MTA3: variants seen among roughly 807,000 people sequenced by gnomAD.
MTA3 encodes metastasis associated 1 family member 3, also known as metastasis-associated protein MTA3.
In MTA3, 34 loss-of-function variants were observed where a neutral mutation model predicts 83.5. The ratio of observed to expected loss-of-function variants is 0.41; its 90% confidence interval spans 0.31 to 0.54. The LOEUF (loss-of-function observed/expected upper bound fraction) is 0.54. Among genes scored for constraint, MTA3 ranks in the 20% least tolerant of loss-of-function variants. MTA3 has a pLI of 0.33. For missense variants in MTA3, 761 were observed against 726.4 expected (o/e 1.05, Z -0.55); for synonymous variants, 303 against 252.7 (o/e 1.20, Z -1.89).
chr2:42,623,932 G>C (rs1184289519), intron 4 of MTA3, among the ~76,000 whole-genome samples: 1 of 151,994 alleles, frequency 6.6e-6, no homozygotes, highest in Non-Finnish European at 1.5e-5. Context: ...CCTTAGGTGT[G>C]ATCCACCGAC....
chr2:42,756,595 T>C lies in MTA3; in HGVS notation c.*3196T>C. ...GCCCCGTGGGTGTTTGGAGATTCTG[T>C]TTTACTCTGCCTAGAGAGGAAACGG... On this transcript the variant is annotated 3_prime_UTR_variant, in exon 17 of 17. Coordinates refer to ENST00000405094, the MANE Select transcript of MTA3 (RefSeq NM_001330442.2). The C allele has an allele frequency of 1.0e-6, 1 of 985,578 alleles. No homozygotes were observed. Among genetic ancestry groups the C allele is most frequent in the Non-Finnish European group, 1.2e-6 (1 of 830,050 alleles). 61.1% of individuals were successfully genotyped at this position (985,578 alleles called of 1,614,324 possible). A position where few individuals can be genotyped will look rare whatever the true frequency, so the allele number is the denominator to read the frequency against.
At chr2:42,638,359 C>G (rs367604566) in intron 4 of MTA3, among the ~76,000 whole-genome samples, 2 of 151,978 alleles carry the variant, frequency 1.3e-5, no homozygotes, top group African/African-American at 4.8e-5. Flanking sequence ...CAATTCTGTC[C>G]GTTATGAGAA....
intron 2 of MTA3, among the ~76,000 whole-genome samples, chr2:42,553,207 C>G (rs1046036342): frequency 1.3e-5 from 2 of 151,448 alleles, no homozygotes; most frequent in African/African-American, 2.4e-5. Flanking sequence ...GGGCAGATCA[C>G]GAGGTCAGGA....
At chr2:42,657,945 G>T (rs768213520) in intron 7 of MTA3, among the ~76,000 whole-genome samples, 2 of 151,590 alleles carry the variant, frequency 1.3e-5, no homozygotes, top group African/African-American at 4.8e-5. Context: ...GATGGTGGGT[G>T]CCTGTAATCC....
At chr2:42,633,743 A>C (rs920317353) in intron 4 of MTA3, among the ~76,000 whole-genome samples, 4 of 151,814 alleles carry the variant, frequency 2.6e-5, no homozygotes, top group Non-Finnish European at 4.4e-5. Context: ...TACAAAAAAA[A>C]GTTAGCCGGC....
At chr2:42,558,725 T>C (rs1042890113) in intron 2 of MTA3, among the ~76,000 whole-genome samples, 65 of 151,376 alleles carry the variant, frequency 4.3e-4, no homozygotes, top group Admixed American at 9.9e-4. Flanking sequence ...TTTTTTTTTT[T>C]CCATATTTTA....
chr2:42,693,102 C>T (rs1258579535), intron 9 of MTA3, among the ~76,000 whole-genome samples: 1 of 151,424 alleles, frequency 6.6e-6, no homozygotes, highest in African/African-American at 2.4e-5. Flanking sequence ...CCCTCTCCCT[C>T]TTCCCCTCCC....
chr2:42,624,908 C>G (rs1232331952), intron 4 of MTA3, among the ~76,000 whole-genome samples: 1 of 152,150 alleles, frequency 6.6e-6, no homozygotes, highest in Non-Finnish European at 1.5e-5. Flanking sequence ...CGCATGTTAT[C>G]TATTTCCTCT....
chr2:42,641,710 G>A (rs1573436404), intron 5 of MTA3, among the ~76,000 whole-genome samples: 1 of 152,062 alleles, frequency 6.6e-6, no homozygotes, highest in East Asian at 1.9e-4. Context: ...GCTGGGCCAT[G>A]CAAAAATTAA....
intron 2 of MTA3, among the ~76,000 whole-genome samples, chr2:42,523,050 TC>T (rs1026559084): frequency 2.6e-5 from 4 of 151,928 alleles, no homozygotes; most frequent in African/African-American, 9.7e-5. Flanking sequence ...GCTCAAGAGA[TC>T]CTCCCATCTC....
intron 4 of MTA3, among the ~76,000 whole-genome samples, chr2:42,620,381 A>G (rs964391875): frequency 2.6e-5 from 4 of 152,146 alleles, no homozygotes; most frequent in Non-Finnish European, 5.9e-5. Context: ...TGGCCTCCCA[A>G]AGTGCTGGAA....
intron 2 of MTA3, among the ~76,000 whole-genome samples, chr2:42,555,487 G>A (rs996457366): frequency 2.0e-5 from 3 of 148,772 alleles, no homozygotes; most frequent in Admixed American, 1.3e-4. Context: ...AGAGCCGGGC[G>A]CAGTGGCTCA....
chr2:42,609,596 T>A lies in MTA3; in HGVS notation c.317+12T>A. The A allele has an allele frequency of 6.2e-7, 1 of 1,612,780 alleles. No individual in the cohort carries two copies. The highest frequency in any genetic ancestry group is 1.7e-4 in the Middle Eastern group (1 of 6,054). On this transcript the variant is annotated intron_variant, in intron 4 of 16. Coordinates refer to ENST00000405094, the MANE Select transcript of MTA3 (RefSeq NM_001330442.2). ...GCAACACATATCAGGTAAGAACTTTTTAGGAACTAAGGTACTCAGTACTAC... is the reference window on the plus strand; with the variant it reads ...GCAACACATATCAGGTAAGAACTTTATAGGAACTAAGGTACTCAGTACTAC...
chr2:42,626,750 A>AT (rs992996959), intron 4 of MTA3, among the ~76,000 whole-genome samples: 7 of 150,866 alleles, frequency 4.6e-5, no homozygotes, highest in African/African-American at 1.5e-4. Context: ...TTTAAATTTA[A>AT]TTTTTTTTTA....
intron 9 of MTA3, among the ~76,000 whole-genome samples, chr2:42,693,181 C>G (rs1471845037): frequency 1.3e-5 from 2 of 152,154 alleles, no homozygotes; most frequent in Non-Finnish European, 2.9e-5. Flanking sequence ...GACACAAGCA[C>G]TCTTGTGGCT....
chr2:42,634,622 G>A (rs1687009959), intron 4 of MTA3, among the ~76,000 whole-genome samples: 1 of 152,162 alleles, frequency 6.6e-6, no homozygotes, highest in Admixed American at 6.5e-5. Context: ...TTTGGGTGGG[G>A]ACACAGAGCC....
chr2:42,604,574 CTT>C (rs963468751), intron 3 of MTA3, among the ~76,000 whole-genome samples: 1 of 16,688 alleles, frequency 6.0e-5, no homozygotes, highest in African/African-American at 3.0e-4. Context: ...TGTTTCTTTT[CTT>C]TTTTTTTTTT....
intron 3 of MTA3, among the ~76,000 whole-genome samples, chr2:42,595,745 A>T (rs574752640): frequency 6.6e-6 from 1 of 152,158 alleles, no homozygotes; most frequent in Non-Finnish European, 1.5e-5. Flanking sequence ...ACTGGAAAAA[A>T]TTTTAAAAAT....
intron 2 of MTA3, among the ~76,000 whole-genome samples, chr2:42,496,316 T>G (rs776513367): frequency 6.6e-6 from 1 of 152,168 alleles, no homozygotes; most frequent in Non-Finnish European, 1.5e-5. Flanking sequence ...TTTAATATCA[T>G]CAACCACTGC....
Sources: gnomAD v4.1 joint callset for allele counts (sites outside exome capture counted in the v4.1 genomes callset) on GRCh38, gnomAD v4.1.1 for gene constraint, MANE v1.5 for transcripts, NCBI Gene and HGNC (gene_info 2026-07-23, HGNC 2026-07-21) for gene names.